PTPRD: variants seen among roughly 807,000 people sequenced by gnomAD.
PTPRD encodes the protein protein tyrosine phosphatase receptor type D.
PTPRD carries 34 observed loss-of-function variants against 214.5 expected under a neutral mutation model. The ratio of observed to expected loss-of-function variants is 0.16; its 90% CI spans 0.12 to 0.21. PTPRD has a LOEUF of 0.21. PTPRD is among the 10% of genes least tolerant of loss of function. The pLI, the probability that PTPRD is intolerant of heterozygous loss-of-function variation, is 1.00. For missense variants in PTPRD, 2,545 were observed against 2,398.7 expected (o/e 1.06, Z -1.27); for synonymous variants, 1,128 against 845.7 (o/e 1.33, Z -5.79).
At chr9:9,464,498 G>A (rs62533171) in intron 8 of PTPRD, among the ~76,000 whole-genome samples, 6,442 of 152,132 alleles carry the variant, frequency 0.042, 186 homozygotes, top group Non-Finnish European at 0.063. Flanking sequence ...ATATTGCTCT[G>A]TGTTTAAAAT....
intron 3 of PTPRD, among the ~76,000 whole-genome samples, chr9:10,147,053 C>T (rs2099027965): frequency 6.6e-6 from 1 of 152,034 alleles, no homozygotes; most frequent in Non-Finnish European, 1.5e-5. Context: ...AGACCATTAA[C>T]ATTGTCACAG....
chr9:8,318,585 C>A (rs1030811619), intron 45 of PTPRD, among the ~76,000 whole-genome samples: 1 of 152,012 alleles, frequency 6.6e-6, no homozygotes, highest in Admixed American at 6.6e-5. Context: ...GCACACAAAT[C>A]CATTTACACA....
intron 5 of PTPRD, among the ~76,000 whole-genome samples, chr9:9,874,244 A>G (rs972469012): frequency 6.6e-6 from 1 of 152,198 alleles, no homozygotes; most frequent in African/African-American, 2.4e-5. Context: ...AGGGCTATGT[A>G]TACAGGGGAG....
chr9:10,519,673 T>C (rs2051495111), intron 2 of PTPRD, among the ~76,000 whole-genome samples: 1 of 152,176 alleles, frequency 6.6e-6, no homozygotes, highest in African/African-American at 2.4e-5. Context: ...CAATAGCATG[T>C]GCTCAACTCA....
At chr9:10,396,209 A>T (rs1383184465) in intron 2 of PTPRD, among the ~76,000 whole-genome samples, 1 of 151,964 alleles carries the variant, frequency 6.6e-6, no homozygotes, top group Non-Finnish European at 1.5e-5. Context: ...GTTGAAACTA[A>T]TGTGATATAA....
intron 6 of PTPRD, among the ~76,000 whole-genome samples, chr9:9,757,754 T>C (rs887347582): frequency 1.3e-5 from 2 of 152,158 alleles, no homozygotes; most frequent in African/African-American, 4.8e-5. Context: ...ATGCCTATCT[T>C]ATAAAATCTT....
intron 12 of PTPRD, among the ~76,000 whole-genome samples, chr9:8,666,890 A>G (rs373900398): frequency 2.6e-5 from 4 of 152,176 alleles, no homozygotes; most frequent in Non-Finnish European, 2.9e-5. Context: ...TAAAAACTTA[A>G]TATTTTCACA....
At chr9:10,049,083 A>G (rs140413622) in intron 3 of PTPRD, among the ~76,000 whole-genome samples, 61 of 152,242 alleles carry the variant, frequency 4.0e-4, no homozygotes, top group African/African-American at 1.4e-3. Flanking sequence ...AGTGGCATAA[A>G]AGAAATGAGA....
In PTPRD at chr9:10,001,862, G is replaced by T. The variant is rs906837233; in HGVS notation, c.-472+31856C>A. 2.0e-5 allele frequency among the ~76,000 whole-genome samples: 3 copies of T among 152,100 alleles called. No individual in the cohort carries two copies. In the East Asian group the frequency reaches 5.8e-4, roughly 29 times the overall value. On this transcript the variant is annotated intron_variant, in intron 4 of 45. Coordinates refer to ENST00000381196, the MANE Select transcript of PTPRD (RefSeq NM_002839.4). ...TTGAGTCCACATGGAGGAATAAAGAGTACAGACAAACAAACAATATAGGGA... is the reference window on the plus strand; with the variant it reads ...TTGAGTCCACATGGAGGAATAAAGATTACAGACAAACAAACAATATAGGGA...
chr9:9,294,671 G>C (rs1367844513), intron 9 of PTPRD, among the ~76,000 whole-genome samples: 3 of 151,556 alleles, frequency 2.0e-5, no homozygotes, highest in African/African-American at 7.3e-5. Flanking sequence ...TCAGCCAAGA[G>C]ACATGGCCTT....
chr9:9,077,350 G>C (rs1327091572), intron 10 of PTPRD, among the ~76,000 whole-genome samples: 1 of 141,626 alleles, frequency 7.1e-6, no homozygotes, highest in Non-Finnish European at 1.6e-5. Flanking sequence ...GTTCATAGAA[G>C]CAGAATGGGG....
intron 11 of PTPRD, among the ~76,000 whole-genome samples, chr9:8,920,011 T>C (rs2098816127): frequency 6.9e-6 from 1 of 144,740 alleles, no homozygotes; most frequent in Admixed American, 6.8e-5. Flanking sequence ...ATATATAATG[T>C]TAACAAGATG....
At chr9:9,605,624 AT>A (rs2094104518) in intron 7 of PTPRD, among the ~76,000 whole-genome samples, 1 of 152,040 alleles carries the variant, frequency 6.6e-6, no homozygotes. Context: ...ATATAACAAA[AT>A]TTGTGTTTTA....
At chr9:10,530,722 CA>C (rs1477771244) in intron 2 of PTPRD, among the ~76,000 whole-genome samples, 2 of 151,942 alleles carry the variant, frequency 1.3e-5, no homozygotes, top group African/African-American at 4.8e-5. Context: ...GGAAATCTGA[CA>C]ATCAAAATAA....
At chr9:10,319,468 G>C (rs10511543) in intron 3 of PTPRD, among the ~76,000 whole-genome samples, 4,427 of 152,090 alleles carry the variant, frequency 0.029, 285 homozygotes, top group Admixed American at 0.16. Context: ...CATTTTACAA[G>C]CTCAATTACC....
At chr9:9,579,821 C>T (rs2090172457) in intron 7 of PTPRD, among the ~76,000 whole-genome samples, 1 of 152,110 alleles carries the variant, frequency 6.6e-6, no homozygotes, top group Non-Finnish European at 1.5e-5. Context: ...CCATTGTACC[C>T]ATTAAGTAAT....
chr9:10,455,790 T>C (rs2098910454), intron 2 of PTPRD, among the ~76,000 whole-genome samples: 1 of 151,820 alleles, frequency 6.6e-6, no homozygotes, highest in Non-Finnish European at 1.5e-5. Flanking sequence ...TCATCATTTA[T>C]TTATAAGGAA....
At chr9:8,697,988 G>C (rs555033674) in intron 12 of PTPRD, among the ~76,000 whole-genome samples, 16 of 152,258 alleles carry the variant, frequency 1.1e-4, no homozygotes, top group Non-Finnish European at 2.1e-4. Flanking sequence ...TGAGGTCATG[G>C]AAAGTGTCAT....
At chr9:10,083,873 T>C (rs959477965) in intron 3 of PTPRD, among the ~76,000 whole-genome samples, 3 of 151,974 alleles carry the variant, frequency 2.0e-5, no homozygotes, top group African/African-American at 7.2e-5. Context: ...GCTCAAGCAA[T>C]AATGCTCACC....
Sources: gnomAD v4.1 joint callset for allele counts (sites outside exome capture counted in the v4.1 genomes callset) on GRCh38, gnomAD v4.1.1 for gene constraint, MANE v1.5 for transcripts, NCBI Gene and HGNC (gene_info 2026-07-23, HGNC 2026-07-21) for gene names.